Variants in COL11A1 observed in about 807,000 individuals in gnomAD.
COL11A1 encodes collagen alpha-1(XI) chain.
Under a neutral mutation model 265.2 loss-of-function variants are expected in COL11A1, and 74 were observed. The ratio of observed to expected loss-of-function variants is 0.28; its 90% confidence interval spans 0.23 to 0.34. The LOEUF (loss-of-function observed/expected upper bound fraction) is 0.34, where lower values mean the gene tolerates loss of function less well. Ranked by LOEUF, COL11A1 falls within the 10% of genes least tolerant of loss-of-function variation. The probability of loss-of-function intolerance (pLI) is 1.00; values close to 1 mark genes in which losing one functional copy is unlikely to be tolerated. For missense variants in COL11A1, 2,165 were observed against 2,263.6 expected (o/e 0.96, Z 0.88); for synonymous variants, 816 against 727.6 (o/e 1.12, Z -1.96).
intron 41 of COL11A1, among the ~76,000 whole-genome samples, chr1:102,960,960 G>A (rs1660851937): frequency 6.6e-6 from 1 of 152,150 alleles, no homozygotes; most frequent in Non-Finnish European, 1.5e-5. Context: ...ATTAGTCAAA[G>A]AGAAAGGAAG....
chr1:103,087,970 T>A (rs1005441694), intron 1 of COL11A1, among the ~76,000 whole-genome samples: 6 of 152,108 alleles, frequency 3.9e-5, no homozygotes, highest in Non-Finnish European at 7.4e-5. Flanking sequence ...AGTGTCGAAA[T>A]TAAATTTTTT....
At chr1:103,020,988 T>C (rs1222014559) in intron 9 of COL11A1, among the ~76,000 whole-genome samples, 1 of 144,564 alleles carries the variant, frequency 6.9e-6, no homozygotes, top group Non-Finnish European at 1.5e-5. Context: ...TACAACTATC[T>C]TTTTATTCTT....
In COL11A1 at chr1:103,108,516, C is replaced by T. The variant is rs555059033; in HGVS notation, c.-338G>A. On this transcript the variant is annotated 5_prime_UTR_variant, in exon 1 of 67. Transcript: ENST00000370096. ...CTGTGTGCCCCTAAAGGCTTCATGC[C>T]GTCAGTGGGCTGGACGAGTGGCTCC... 2 of 552,382 alleles carry T rather than the reference C, an allele frequency of 3.6e-6. No homozygotes were observed. The highest frequency in any genetic ancestry group is 2.9e-5 in the East Asian group (1 of 34,152). The allele number at this position is 552,382 out of a possible 1,614,324, so 34.2% of individuals were successfully genotyped here.
Position 103,082,937 on chromosome 1 carries a change from G to C in COL11A1, c.142C>G (p.His48Asp). ...TTTGATATTCCCTCTGGAGAATTGT[G>C]AAAATCTAGTGCTTTTAGTACATCA... Reference protein sequence around the residue: ...PVDVLKALDFHNSPEGISKTT... With the variant: ...PVDVLKALDFDNSPEGISKTT... The change falls in exon 2 of 67, where the codon CAC (histidine) becomes GAC (aspartate). Residue 48 changes from histidine (H) to aspartate (D), a missense_variant. By Grantham distance (81) the His-to-Asp change is moderately conservative. Transcript: ENST00000370096. 6.2e-7 allele frequency: 1 copy of C among 1,613,206 alleles called. No homozygotes were observed. Among genetic ancestry groups the C allele is most frequent in the Non-Finnish European group, 8.5e-7 (1 of 1,179,582 alleles).
intron 20 of COL11A1, among the ~76,000 whole-genome samples, chr1:103,004,089 T>C (rs1201455551): frequency 6.6e-6 from 1 of 152,168 alleles, no homozygotes; most frequent in African/African-American, 2.4e-5. Context: ...AAGTGACATA[T>C]TATTTTTTTT....
chr1:102,936,967 A>G lies in COL11A1; in HGVS notation c.3439-1854T>C, dbSNP rs1190253466. Among the ~76,000 whole-genome samples, 5 of 152,166 alleles carry G rather than the reference A, an allele frequency of 3.3e-5. No homozygotes were observed. In the East Asian group the frequency reaches 7.7e-4, roughly 23 times the overall value. ...TCTTCATGCTTTCAACCAAAAAAAC[A>G]TGTCACCACAGGCTGAACTAGATAT... On this transcript the variant is annotated intron_variant, in intron 44 of 66. Coordinates refer to ENST00000370096, the MANE Select transcript of COL11A1 (RefSeq NM_001854.4).
chr1:103,099,835 T>C (rs1398869213), intron 1 of COL11A1, among the ~76,000 whole-genome samples: 1 of 151,892 alleles, frequency 6.6e-6, no homozygotes, highest in African/African-American at 2.4e-5. Flanking sequence ...AATTGAAATT[T>C]ATTTACTTTT....
rs1432341386 is a variant in COL11A1, at chr1:102,914,744, G to A, written c.3884C>T (p.Ala1295Val). 6.2e-7 allele frequency: 1 copy of A among 1,613,148 alleles called. No homozygotes were observed. The highest frequency in any genetic ancestry group is 1.1e-5 in the South Asian group (1 of 91,016). ...GPPGAAGPPGAKGPPGDDGPK... is the reference protein window; with the variant it reads ...GPPGAAGPPGVKGPPGDDGPK... Reference sequence around the variant, plus strand: ...GCCATCATCACCTGGTGGCCCCTTGGCACCTGGAGGTCCAGCAGCTCCAGG... The same window carrying A: ...GCCATCATCACCTGGTGGCCCCTTGACACCTGGAGGTCCAGCAGCTCCAGG... The change falls in exon 51 of 67, where the codon GCC (alanine) becomes GTC (valine). Residue 1295 changes from alanine (A) to valine (V), a missense_variant. By Grantham distance (64) the Ala-to-Val change is moderately conservative. Transcript: ENST00000370096.
At chr1:102,987,515 A>G in intron 30 of COL11A1, 118 bp downstream of exon 30, 1 of 795,248 alleles carries the variant, frequency 1.3e-6, no homozygotes, top group Non-Finnish European at 2.2e-6. Flanking sequence ...TGATAATGAA[A>G]CATTTTATCT....
chr1:102,912,992 T>A (rs1438245382), intron 53 of COL11A1, among the ~76,000 whole-genome samples: 1 of 152,150 alleles, frequency 6.6e-6, no homozygotes, highest in African/African-American at 2.4e-5. Context: ...CTCACAGCAG[T>A]ATGAGAATGG....
rs762777984 is a variant in COL11A1, at chr1:102,885,875, T to TA, written c.4858+931dup. ...TAGATACCAGTTTGTATAGGAACGCTAATAATTACCTGTGTTTTACCTTTA... is the reference window on the plus strand; with the variant it reads ...TAGATACCAGTTTGTATAGGAACGCTAAATAATTACCTGTGTTTTACCTTTA... On this transcript the variant is annotated intron_variant, in intron 63 of 66. Coordinates refer to ENST00000370096, the MANE Select transcript of COL11A1 (RefSeq NM_001854.4). 5.3e-5 allele frequency among the ~76,000 whole-genome samples: 8 copies of TA among 152,280 alleles called. No homozygotes were observed. The South Asian group carries it at 1.7e-3, about 32-fold the overall frequency.
chr1:102,985,465 A>G (rs1240131486), intron 30 of COL11A1, among the ~76,000 whole-genome samples: 1 of 152,120 alleles, frequency 6.6e-6, no homozygotes, highest in Non-Finnish European at 1.5e-5. Flanking sequence ...CCTTGGATAT[A>G]TTAAGTTATC....
At chr1:103,107,996 G>T in intron 1 of COL11A1, 77 bp downstream of exon 1, 1 of 1,020,764 alleles carries the variant, frequency 9.8e-7, no homozygotes, top group Non-Finnish European at 1.5e-6. Context: ...GGGGAGGAAG[G>T]GTAAAGTGGG....
chr1:103,009,680 CGTATAAA>C (rs939052048), intron 14 of COL11A1, among the ~76,000 whole-genome samples: 1 of 152,006 alleles, frequency 6.6e-6, no homozygotes, highest in Non-Finnish European at 1.5e-5. Flanking sequence ...AATACTACAT[CGTATAAA>C]GTATGACAGA....
intron 46 of COL11A1, among the ~76,000 whole-genome samples, chr1:102,933,787 T>C (rs1348836239): frequency 6.6e-6 from 1 of 152,162 alleles, no homozygotes. Flanking sequence ...GGATATAATC[T>C]CGTGGTGCGC....
intron 4 of COL11A1, among the ~76,000 whole-genome samples, chr1:103,054,571 T>TTTG (rs906918781): frequency 2.4e-4 from 36 of 151,854 alleles, no homozygotes; most frequent in Non-Finnish European, 3.5e-4. Flanking sequence ...AAAAGGGTGT[T>TTTG]TTGTTGTTGT....
At chr1:103,085,369 G>A (rs1272418607) in intron 1 of COL11A1, among the ~76,000 whole-genome samples, 1 of 152,108 alleles carries the variant, frequency 6.6e-6, no homozygotes, top group Non-Finnish European at 1.5e-5. Context: ...CTCATGGTAG[G>A]GCACATATAC....
intron 31 of COL11A1, among the ~76,000 whole-genome samples, chr1:102,982,693 C>A (rs1388133123): frequency 6.6e-6 from 1 of 151,974 alleles, no homozygotes; most frequent in Non-Finnish European, 1.5e-5. Context: ...TTATCCCCTG[C>A]TACTCAAGGA....
intron 7 of COL11A1, among the ~76,000 whole-genome samples, 188 bp from the exon 8 acceptor site, chr1:103,023,184 A>C (rs193206641): frequency 2.0e-5 from 3 of 152,332 alleles, no homozygotes; most frequent in Admixed American, 2.0e-4. Context: ...ATTGCTATGT[A>C]CAAAGAGATA....
Sources: gnomAD v4.1 joint callset for allele counts (sites outside exome capture counted in the v4.1 genomes callset) on GRCh38, gnomAD v4.1.1 for gene constraint, MANE v1.5 for transcripts, NCBI Gene and HGNC (gene_info 2026-07-23, HGNC 2026-07-21) for gene names.